Variants in GPC6 observed in about 807,000 individuals in gnomAD.
The protein encoded by GPC6 is glypican 6, also known as glypican-6.
GPC6 carries 14 observed loss-of-function variants against 55.2 expected under a neutral mutation model. The observed-to-expected ratio is 0.25, with a 90% confidence interval of 0.17 to 0.40. The LOEUF (loss-of-function observed/expected upper bound fraction) is 0.40. Ranked by LOEUF, GPC6 falls within the 10% of genes least tolerant of loss-of-function variation. The pLI, the probability that GPC6 is intolerant of heterozygous loss-of-function variation, is 1.00. For missense variants in GPC6, 641 were observed against 708.5 expected, an observed-to-expected ratio of 0.90 and a Z score of 1.08; for synonymous variants, 278 against 259.6, an observed-to-expected ratio of 1.07 and a Z score of -0.68.
intron 1 of GPC6, among the ~76,000 whole-genome samples, chr13:93,288,275 T>C (rs1245753202): frequency 4.6e-5 from 7 of 152,168 alleles, no homozygotes; most frequent in African/African-American, 1.4e-4. Flanking sequence ...TCTTGTAATT[T>C]CAAGTGTGGA....
chr13:93,344,220 T>C (rs903130755), intron 1 of GPC6, among the ~76,000 whole-genome samples: 1 of 152,184 alleles, frequency 6.6e-6, no homozygotes, highest in African/African-American at 2.4e-5. Context: ...GTGGTCAAAC[T>C]GGCCCCGCCT....
intron 2 of GPC6, among the ~76,000 whole-genome samples, chr13:93,725,265 T>G (rs1242627789): frequency 1.3e-5 from 2 of 152,092 alleles, no homozygotes; most frequent in African/African-American, 4.8e-5. Flanking sequence ...GTTTTTTAAT[T>G]GTTTTTAAGT....
chr13:93,515,228 C>A (rs1881143612), intron 1 of GPC6, among the ~76,000 whole-genome samples: 1 of 152,146 alleles, frequency 6.6e-6, no homozygotes, highest in African/African-American at 2.4e-5. Flanking sequence ...GCCAAATCTG[C>A]TGGCACCTGG....
intron 7 of GPC6, among the ~76,000 whole-genome samples, chr13:94,390,739 C>T (rs1307762549): frequency 1.3e-5 from 2 of 152,110 alleles, no homozygotes; most frequent in Non-Finnish European, 2.9e-5. Context: ...GGAATTCTGT[C>T]TTAGGAAAGA....
At chr13:94,380,898 T>C (rs888878386) in intron 6 of GPC6, among the ~76,000 whole-genome samples, 1 of 152,234 alleles carries the variant, frequency 6.6e-6, no homozygotes, top group Non-Finnish European at 1.5e-5. Context: ...TCTTGTCTTT[T>C]ATGATGGACA....
intron 3 of GPC6, among the ~76,000 whole-genome samples, chr13:93,987,005 T>A (rs1881060317): frequency 6.6e-6 from 1 of 152,170 alleles, no homozygotes; most frequent in Non-Finnish European, 1.5e-5. Context: ...AGAAACTGGG[T>A]ATCATTGTGT....
At position 94,298,405 on chromosome 13, in the gene GPC6, A is replaced by G. The variant is rs574837341; in HGVS notation, c.1009-7575A>G. ...GTGCTTAACCTAGACCATCATTGGC[A>G]GGGATAGGATACAACTGCTCCAATG... On this transcript the variant is annotated intron_variant, in intron 5 of 8. Transcript: ENST00000377047. Among the ~76,000 whole-genome samples, 17 of 152,350 alleles carry G rather than the reference A, an allele frequency of 1.1e-4. No homozygotes were observed. In the South Asian group the frequency reaches 2.1e-3, roughly 19 times the overall value.
chr13:93,785,653 GTTAAT>G (rs1018249100), intron 2 of GPC6, among the ~76,000 whole-genome samples: 1 of 152,068 alleles, frequency 6.6e-6, no homozygotes, highest in Non-Finnish European at 1.5e-5. Flanking sequence ...CTAGACATTT[GTTAAT>G]TTAATATTTT....
intron 1 of GPC6, among the ~76,000 whole-genome samples, chr13:93,344,381 A>G (rs1594108576): frequency 6.6e-6 from 1 of 152,126 alleles, no homozygotes; most frequent in Non-Finnish European, 1.5e-5. Context: ...CTTGGATTAT[A>G]TTGTTTCCCT....
At chr13:93,529,510 CTTTTTTTT>C (rs1165594323) in intron 1 of GPC6, among the ~76,000 whole-genome samples, 1 of 85,196 alleles carries the variant, frequency 1.2e-5, no homozygotes, top group East Asian at 3.5e-4. Context: ...CTCTGAGATT[CTTTTTTTT>C]TTTTTTTTTT....
At chr13:94,365,907 C>T (rs1476089789) in intron 6 of GPC6, among the ~76,000 whole-genome samples, 1 of 152,150 alleles carries the variant, frequency 6.6e-6, no homozygotes, top group Non-Finnish European at 1.5e-5. Flanking sequence ...AGAATAAAGC[C>T]ACCAAACTGT....
chr13:93,711,533 G>C (rs1216048197), intron 2 of GPC6, among the ~76,000 whole-genome samples: 2 of 151,654 alleles, frequency 1.3e-5, no homozygotes, highest in Non-Finnish European at 2.9e-5. Flanking sequence ...TAATGTCATG[G>C]TATAGATAAA....
At chr13:93,379,958 CAAAA>C (rs58011385) in intron 1 of GPC6, among the ~76,000 whole-genome samples, 8 of 129,184 alleles carry the variant, frequency 6.2e-5, no homozygotes, top group Non-Finnish European at 9.9e-5. Context: ...AATTCTGTCT[CAAAA>C]AAAAAAAAAA....
At chr13:94,325,397 G>A (rs530118954) in intron 6 of GPC6, among the ~76,000 whole-genome samples, 2 of 152,300 alleles carry the variant, frequency 1.3e-5, no homozygotes, top group South Asian at 4.1e-4. Context: ...TTCCCAGAAC[G>A]TTAAATCAAC....
chr13:93,717,350 AAAAT>A lies in GPC6; in HGVS notation c.320-112794_320-112791del, dbSNP rs530995885. ...TCTGATTTAAGTGTAAATAAGTTGG[AAAAT>A]AAATAAATATGTAGGTGTGTAAATA... On this transcript the variant is annotated intron_variant, in intron 2 of 8. Transcript: ENST00000377047. Among the ~76,000 whole-genome samples, 71 of 151,764 alleles carry A rather than the reference AAAAT, an allele frequency of 4.7e-4. 2 individuals are homozygous for A. Among genetic ancestry groups the A allele is most frequent in the Admixed American group, 3.1e-3 (47 of 15,174 alleles).
At chr13:93,223,671 G>A (rs1346222676), upstream of GPC6, among the ~76,000 whole-genome samples, 5 of 151,816 alleles carry the variant, frequency 3.3e-5, no homozygotes, top group Non-Finnish European at 5.9e-5. Context: ...CTCTAACTCC[G>A]AAGCTCAGGC....
chr13:93,524,405 A>G (rs1218015595), intron 1 of GPC6, among the ~76,000 whole-genome samples: 2 of 152,004 alleles, frequency 1.3e-5, no homozygotes, highest in African/African-American at 2.4e-5. Flanking sequence ...AAAACCTGCC[A>G]TAGAGCATAA....
At chr13:93,455,785 T>G (rs1878429162) in intron 1 of GPC6, among the ~76,000 whole-genome samples, 1 of 152,144 alleles carries the variant, frequency 6.6e-6, no homozygotes, top group Admixed American at 6.5e-5. Context: ...CCTGTTAGTC[T>G]GCAAGTATTC....
At chr13:93,895,228 G>GTGTT (rs1331156649) in intron 3 of GPC6, among the ~76,000 whole-genome samples, 1 of 73,160 alleles carries the variant, frequency 1.4e-5, no homozygotes, top group Non-Finnish European at 2.8e-5. Flanking sequence ...ATGTATGTGT[G>GTGTT]TGTGTGTATA....
Sources: allele counts gnomAD v4.1 joint callset (sites outside exome capture counted in the v4.1 genomes callset), GRCh38; gene constraint gnomAD v4.1.1; transcripts MANE v1.5; gene names NCBI Gene and HGNC (gene_info 2026-07-23, HGNC 2026-07-21).